The following ASIC2 variants were observed in gnomAD, a reference collection of about 807,000 sequenced individuals.
ASIC2 encodes acid-sensing ion channel 2.
In ASIC2, 25 loss-of-function variants were observed where a neutral mutation model predicts 57.3. The observed-to-expected ratio is 0.44, with a 90% CI of 0.32 to 0.61. The LOEUF is 0.61. Ranked by LOEUF, ASIC2 falls within the 20% of genes least tolerant of loss-of-function variation. ASIC2 has a pLI of 0.06. For missense variants in ASIC2, 641 were observed against 738.1 expected (o/e 0.87, Z 1.52); for synonymous variants, 319 against 307.5 (o/e 1.04, Z -0.39).
intron 1 of ASIC2, among the ~76,000 whole-genome samples, chr17:33,833,483 G>A (rs1424752498): frequency 4.0e-5 from 6 of 151,822 alleles, no homozygotes; most frequent in Non-Finnish European, 7.4e-5. Flanking sequence ...GAGACCTTCC[G>A]TTCTCTTTGT....
chr17:33,662,491 G>T (rs567081296), intron 1 of ASIC2, among the ~76,000 whole-genome samples: 4 of 151,306 alleles, frequency 2.6e-5, no homozygotes, highest in Admixed American at 1.3e-4. Context: ...TGTGGTGGGG[G>T]GGGCACCTGT....
chr17:33,179,576 T>G (rs116180217), intron 1 of ASIC2, among the ~76,000 whole-genome samples: 2,225 of 152,256 alleles, frequency 0.015, 33 homozygotes, highest in African/African-American at 0.039. Context: ...GGAACAGACT[T>G]TTATTGCATC....
At chr17:34,137,113 G>A (rs1474594301) in intron 1 of ASIC2, among the ~76,000 whole-genome samples, 3 of 152,206 alleles carry the variant, frequency 2.0e-5, no homozygotes, top group African/African-American at 7.2e-5. Context: ...GCCATGCACA[G>A]TATAGATAAT....
At chr17:34,033,978 A>T (rs1205381370) in intron 1 of ASIC2, among the ~76,000 whole-genome samples, 1 of 152,346 alleles carries the variant, frequency 6.6e-6, no homozygotes, top group African/African-American at 2.4e-5. Context: ...TCCAATCAAT[A>T]GTAAAAGAGG....
intron 1 of ASIC2, among the ~76,000 whole-genome samples, chr17:33,823,601 G>A (rs1912815572): frequency 6.6e-6 from 1 of 152,138 alleles, no homozygotes; most frequent in African/African-American, 2.4e-5. Context: ...ATTAGTATCG[G>A]CCACACTTCT....
intron 1 of ASIC2, among the ~76,000 whole-genome samples, chr17:33,982,247 T>C (rs1905652515): frequency 6.6e-6 from 1 of 152,222 alleles, no homozygotes; most frequent in Non-Finnish European, 1.5e-5. Context: ...TTATTTACCC[T>C]GCAATTACAT....
At chr17:33,440,494 G>A (rs563915378) in intron 1 of ASIC2, among the ~76,000 whole-genome samples, 58 of 152,234 alleles carry the variant, frequency 3.8e-4, no homozygotes, top group Non-Finnish European at 6.9e-4. Flanking sequence ...GAAATTGCTG[G>A]GTCACATGGT....
rs181246745 is a variant in ASIC2, at chr17:33,106,761, T to C, written c.859+5156A>G. 5.4e-3 allele frequency among the ~76,000 whole-genome samples: 828 copies of C among 152,154 alleles called. 1 individual carries two copies. Among genetic ancestry groups the C allele is most frequent in the Non-Finnish European group, 9.3e-3 (632 of 68,006 alleles). On this transcript the variant is annotated intron_variant, in intron 2 of 9. Coordinates refer to ENST00000225823, the MANE Select transcript of ASIC2 (RefSeq NM_183377.2). Reference sequence around the variant, plus strand: ...GATTCCCTTCCCTGTATTTTTTTTTTCCCCTAAACAGGACGTCTGTGAGAG... The same window carrying C: ...GATTCCCTTCCCTGTATTTTTTTTTCCCCCTAAACAGGACGTCTGTGAGAG...
At chr17:33,174,932 G>A (rs1262476469) in intron 1 of ASIC2, among the ~76,000 whole-genome samples, 1 of 152,054 alleles carries the variant, frequency 6.6e-6, no homozygotes, top group Non-Finnish European at 1.5e-5. Context: ...TACCCTACTG[G>A]CCCTGGTGTC....
At chr17:33,962,029 C>T (rs144933478) in intron 1 of ASIC2, among the ~76,000 whole-genome samples, 33 of 152,264 alleles carry the variant, frequency 2.2e-4, no homozygotes, top group African/African-American at 6.3e-4. Context: ...GAGGACCTCA[C>T]GGCAGTTCCT....
intron 1 of ASIC2, among the ~76,000 whole-genome samples, chr17:33,726,216 AG>A (rs1909556554): frequency 6.6e-6 from 1 of 152,172 alleles, no homozygotes; most frequent in Non-Finnish European, 1.5e-5. Context: ...TTAGAGAGGA[AG>A]AGAAAGAGAT....
intron 1 of ASIC2, among the ~76,000 whole-genome samples, chr17:33,773,501 C>G (rs1278772642): frequency 6.6e-6 from 1 of 152,056 alleles, no homozygotes; most frequent in African/African-American, 2.4e-5. Flanking sequence ...ACCAATCTCT[C>G]TTTTCATTAT....
intron 1 of ASIC2, among the ~76,000 whole-genome samples, chr17:33,922,959 T>C (rs1915739196): frequency 6.6e-6 from 1 of 152,190 alleles, no homozygotes; most frequent in African/African-American, 2.4e-5. Context: ...AGAGCGCATT[T>C]GCTCCAGCTC....
intron 5 of ASIC2, 40 bp downstream of exon 5, chr17:33,025,886 C>A (rs191596905): frequency 4.5e-6 from 7 of 1,553,978 alleles, no homozygotes; most frequent in Middle Eastern, 1.7e-4. Context: ...AGTCTCAGGC[C>A]CCCGGCCCCC....
Position 33,243,222 on chromosome 17 carries a change from T to G in ASIC2, c.708+48186A>C, listed in dbSNP as rs75777269. On this transcript the variant is annotated intron_variant, in intron 1 of 9. Coordinates refer to ENST00000225823, the MANE Select transcript of ASIC2 (RefSeq NM_183377.2). Reference sequence around the variant, plus strand: ...TTCATAATGATTATTAGAATAAGTGTAACTAGTACATCAAACCCAGATTTC... The same window carrying G: ...TTCATAATGATTATTAGAATAAGTGGAACTAGTACATCAAACCCAGATTTC... Among the ~76,000 whole-genome samples, 1,485 of 152,332 alleles carry G rather than the reference T, an allele frequency of 9.7e-3. 52 individuals are homozygous for G. The East Asian group carries it at 0.12, about 13-fold the overall frequency.
chr17:33,897,040 A>G (rs1915115896), intron 1 of ASIC2, among the ~76,000 whole-genome samples: 1 of 152,164 alleles, frequency 6.6e-6, no homozygotes, highest in Non-Finnish European at 1.5e-5. Context: ...ATAAAGTTTT[A>G]CTAAAGCTCC....
intron 1 of ASIC2, among the ~76,000 whole-genome samples, chr17:33,339,739 G>C (rs1765378503): frequency 6.6e-6 from 1 of 152,182 alleles, no homozygotes; most frequent in Non-Finnish European, 1.5e-5. Flanking sequence ...ACCAAAGGCT[G>C]TGATGACTCC....
chr17:33,474,134 A>C (rs1428420427), intron 1 of ASIC2, among the ~76,000 whole-genome samples: 1 of 152,232 alleles, frequency 6.6e-6, no homozygotes, highest in African/African-American at 2.4e-5. Flanking sequence ...TGGGAGGCTG[A>C]GGCAAGCGAA....
intron 1 of ASIC2, among the ~76,000 whole-genome samples, chr17:33,810,179 A>G (rs547456817): frequency 1.3e-5 from 2 of 152,344 alleles, no homozygotes; most frequent in Admixed American, 1.3e-4. Context: ...TTTATGGGGC[A>G]AAGAGTTGAG....
Sources: gnomAD v4.1 joint callset for allele counts (sites outside exome capture counted in the v4.1 genomes callset) on GRCh38, gnomAD v4.1.1 for gene constraint, MANE v1.5 for transcripts, NCBI Gene and HGNC (gene_info 2026-07-23, HGNC 2026-07-21) for gene names.